Variants in COL26A1 observed in about 807,000 individuals in gnomAD.
The protein encoded by COL26A1 is collagen alpha-1(XXVI) chain.
A neutral mutation model predicts 59.3 loss-of-function variants in COL26A1; 41 were observed. The ratio of observed to expected loss-of-function variants is 0.69; its 90% CI spans 0.54 to 0.90. The LOEUF (loss-of-function observed/expected upper bound fraction) is 0.90, where lower values mean the gene tolerates loss of function less well. Among genes scored for constraint, COL26A1 ranks in the 40% least tolerant of loss-of-function variants. The pLI is 0.00. For missense variants in COL26A1, 612 were observed against 602.3 expected, an observed-to-expected ratio of 1.02 and a Z score of -0.17; for synonymous variants, 266 against 256.0, an observed-to-expected ratio of 1.04 and a Z score of -0.37.
chr7:101,497,558 C>T (rs1056475236), intron 3 of COL26A1, among the ~76,000 whole-genome samples: 2 of 152,004 alleles, frequency 1.3e-5, no homozygotes, highest in African/African-American at 4.8e-5. Context: ...TGCCTGTAGT[C>T]CCAGCTACTC....
intron 8 of COL26A1, among the ~76,000 whole-genome samples, chr7:101,548,091 AG>A (rs144301509): frequency 0.04 from 6,133 of 152,214 alleles, 133 homozygotes; most frequent in Middle Eastern, 0.12. Context: ...AAGATGCTCT[AG>A]GGAGGAGAGG....
intron 3 of COL26A1, among the ~76,000 whole-genome samples, chr7:101,498,875 G>T (rs573240397): frequency 5.1e-4 from 78 of 152,288 alleles, no homozygotes; most frequent in Non-Finnish European, 8.2e-4. Flanking sequence ...TCCCCACCGC[G>T]CGCGGCACCC....
intron 1 of COL26A1, among the ~76,000 whole-genome samples, chr7:101,369,501 T>G (rs1162161283): frequency 3.1e-5 from 4 of 130,544 alleles, no homozygotes; most frequent in South Asian, 2.6e-4. Context: ...CAGGCTGGAG[T>G]GCAGTGGCGC....
rs144971963 is a variant in COL26A1, at chr7:101,482,775, G to A, written c.385+34988G>A. On this transcript the variant is annotated intron_variant, in intron 3 of 12. Coordinates refer to ENST00000313669, the MANE Select transcript of COL26A1 (RefSeq NM_001278563.3). Reference sequence around the variant, plus strand: ...AGTTCAAGACCAGCCTGGCCAACATGGTGAAAACCTATCTCTACTAAAAAT... The same window carrying A: ...AGTTCAAGACCAGCCTGGCCAACATAGTGAAAACCTATCTCTACTAAAAAT... Among the ~76,000 whole-genome samples the A allele has an allele frequency of 3.5e-3, 529 of 152,222 alleles. 3 individuals are homozygous for A. Among genetic ancestry groups the A allele is most frequent in the African/African-American group, 0.012 (493 of 41,548 alleles).
intron 1 of COL26A1, among the ~76,000 whole-genome samples, chr7:101,403,385 G>A (rs2130206117): frequency 6.6e-6 from 1 of 152,150 alleles, no homozygotes; most frequent in South Asian, 2.1e-4. Flanking sequence ...GGGGTGTGGT[G>A]GTATGTGCCT....
intron 1 of COL26A1, among the ~76,000 whole-genome samples, chr7:101,397,543 C>CCT (rs1554405200): frequency 1.0e-4 from 13 of 126,078 alleles, no homozygotes; most frequent in East Asian, 2.5e-4. Context: ...CCCCCCCCTC[C>CCT]TTTTTTTTTT....
intron 3 of COL26A1, among the ~76,000 whole-genome samples, chr7:101,531,010 A>G (rs1412145989): frequency 6.6e-6 from 1 of 150,844 alleles, no homozygotes; most frequent in Non-Finnish European, 1.5e-5. Context: ...TCACTCTGTC[A>G]CCCAGGCTGG....
At chr7:101,527,814 G>A (rs1324093734) in intron 3 of COL26A1, among the ~76,000 whole-genome samples, 1 of 152,010 alleles carries the variant, frequency 6.6e-6, no homozygotes, top group Non-Finnish European at 1.5e-5. Context: ...GTTCTCGGAG[G>A]GGCCAGGCAT....
rs751175575 is a variant in COL26A1 at position 101,555,789 on chromosome 7, C to T, written c.1083C>T (p.Gly361=). 3.2e-5 allele frequency: 52 copies of T among 1,608,216 alleles called. No homozygotes were observed. Among genetic ancestry groups the T allele is most frequent in the African/African-American group, 9.4e-5 (7 of 74,818 alleles). ...CCTGCCTGTTTCCTCCCCGCCAGGG[C>T]GAGGGGGTGCAGCAGCTGAGAGAGG... ...EEGEKAATAE[G]EGVQQLREAL... is the part of the protein sequence containing the mutation. Residue 361 remains glycine, a splice_region_variant and synonymous_variant, in exon 12 of 13, where the codon GGC becomes GGT. Transcript: ENST00000313669.
intron 2 of COL26A1, among the ~76,000 whole-genome samples, chr7:101,440,173 C>G (rs1046368587): frequency 1.3e-5 from 2 of 152,006 alleles, no homozygotes; most frequent in Non-Finnish European, 2.9e-5. Flanking sequence ...CAAGACCAAC[C>G]TGGCCAACAT....
rs767764923 is a variant in COL26A1 at position 101,557,514 on chromosome 7, C to T, written c.1310C>T (p.Ala437Val). 36 of 1,608,398 alleles carry T rather than the reference C, an allele frequency of 2.2e-5. No individual in the cohort carries two copies. Among genetic ancestry groups the T allele is most frequent in the Non-Finnish European group, 3.1e-5 (36 of 1,175,978 alleles). ...PDPGQKSVDQ[A>V]SSRK ...CCTGGACAGAAGAGCGTGGACCAGGCCAGCAGCAGGAAGTGAGAGCCCACT... is the reference window on the plus strand; with the variant it reads ...CCTGGACAGAAGAGCGTGGACCAGGTCAGCAGCAGGAAGTGAGAGCCCACT... The change falls in exon 13 of 13, where the codon GCC (alanine) becomes GTC (valine). Residue 437 changes from alanine (A) to valine (V), a missense_variant. Coordinates refer to ENST00000313669, the MANE Select transcript of COL26A1 (RefSeq NM_001278563.3).
intron 3 of COL26A1, among the ~76,000 whole-genome samples, chr7:101,455,874 C>T (rs905682692): frequency 6.6e-5 from 10 of 151,788 alleles, no homozygotes; most frequent in African/African-American, 1.5e-4. Flanking sequence ...TTAGTAGAGA[C>T]GAGGTTTTAC....
At chr7:101,389,618 C>T (rs774962236) in intron 1 of COL26A1, among the ~76,000 whole-genome samples, 18 of 151,886 alleles carry the variant, frequency 1.2e-4, no homozygotes, top group Non-Finnish European at 1.6e-4. Flanking sequence ...TGCAATGGCG[C>T]GATCTTGGCT....
chr7:101,471,911 G>C (rs575141009), intron 3 of COL26A1, among the ~76,000 whole-genome samples: 1 of 151,580 alleles, frequency 6.6e-6, no homozygotes. Context: ...TATTCCAAAG[G>C]TTTGTGATCA....
At chr7:101,499,564 A>G (rs1345697007) in intron 3 of COL26A1, among the ~76,000 whole-genome samples, 1 of 152,084 alleles carries the variant, frequency 6.6e-6, no homozygotes, top group African/African-American at 2.4e-5. Context: ...CATGCCTGTA[A>G]TACCAGCTAT....
intron 3 of COL26A1, among the ~76,000 whole-genome samples, chr7:101,495,362 G>C (rs927526695): frequency 6.6e-6 from 1 of 151,860 alleles, no homozygotes; most frequent in Admixed American, 6.6e-5. Flanking sequence ...CTGGCGGGGG[G>C]ATTTGGTGCA....
upstream of COL26A1, chr7:101,362,679 G>T (rs1474555774): frequency 1.9e-5 from 7 of 365,420 alleles, no homozygotes; most frequent in South Asian, 2.4e-4. Context: ...GTGTAGCGGG[G>T]GCCTGGGCGC....
intron 3 of COL26A1, among the ~76,000 whole-genome samples, chr7:101,508,156 C>T (rs1284899557): frequency 6.6e-6 from 1 of 152,188 alleles, no homozygotes; most frequent in Non-Finnish European, 1.5e-5. Context: ...TCTCCAAACA[C>T]ACTGGAGCAT....
chr7:101,519,082 C>A (rs1031551863), intron 3 of COL26A1, among the ~76,000 whole-genome samples: 1 of 152,304 alleles, frequency 6.6e-6, no homozygotes, highest in Non-Finnish European at 1.5e-5. Context: ...ATCAAACAGA[C>A]CTGCCATGAC....
Sources: allele counts gnomAD v4.1 joint callset (sites outside exome capture counted in the v4.1 genomes callset), GRCh38; gene constraint gnomAD v4.1.1; transcripts MANE v1.5; gene names NCBI Gene and HGNC (gene_info 2026-07-23, HGNC 2026-07-21).